The following FHIT variants were observed in gnomAD, a reference collection of about 807,000 sequenced individuals.
FHIT encodes the protein fragile histidine triad diadenosine triphosphatase.
FHIT carries 19 observed loss-of-function variants against 17.9 expected under a neutral mutation model. The ratio of observed to expected loss-of-function variants is 1.06; its 90% CI spans 0.74 to 1.56. The LOEUF (loss-of-function observed/expected upper bound fraction) is 1.56, where lower values mean the gene tolerates loss of function less well. Among genes scored for constraint, FHIT ranks in the 40% most tolerant of loss-of-function variants. The pLI, the probability that FHIT is intolerant of heterozygous loss-of-function variation, is 0.00. For missense variants in FHIT, 248 were observed against 189.2 expected (o/e 1.31, Z -1.82); for synonymous variants, 81 against 69.7 (o/e 1.16, Z -0.81).
At chr3:60,520,616 A>G (rs17063425) in intron 5 of FHIT, among the ~76,000 whole-genome samples, 9,487 of 152,070 alleles carry the variant, frequency 0.062, 611 homozygotes, top group East Asian at 0.29. Context: ...GGTAGTCTCA[A>G]TGACCCCAGG....
chr3:59,960,802 C>T (rs57347814), intron 7 of FHIT, among the ~76,000 whole-genome samples: 7,245 of 152,138 alleles, frequency 0.048, 235 homozygotes, highest in Admixed American at 0.097. Context: ...AAGTATTTTG[C>T]ATATCTGTTT....
chr3:60,058,028 G>C (rs931274648), intron 5 of FHIT, among the ~76,000 whole-genome samples: 7 of 151,122 alleles, frequency 4.6e-5, no homozygotes, highest in Non-Finnish European at 1.0e-4. Flanking sequence ...GAATAGGCAA[G>C]CTTACAGAGA....
At chr3:61,210,339 A>G (rs146452904) in intron 1 of FHIT, among the ~76,000 whole-genome samples, 16,193 of 152,210 alleles carry the variant, frequency 0.11, 1,054 homozygotes, top group South Asian at 0.21. Flanking sequence ...AAGCTGTCAG[A>G]CAGGGACATT....
At chr3:60,397,310 G>A (rs1015348464) in intron 5 of FHIT, among the ~76,000 whole-genome samples, 1 of 152,128 alleles carries the variant, frequency 6.6e-6, no homozygotes, top group Non-Finnish European at 1.5e-5. Context: ...AGCAGGGTAG[G>A]AAGGAAGAAC....
Position 60,708,451 on chromosome 3 carries a change from C to T in FHIT, c.-18+113468G>A, listed in dbSNP as rs188619879. Among the ~76,000 whole-genome samples, 3 of 152,312 alleles carry T rather than the reference C, an allele frequency of 2.0e-5. No individual in the cohort carries two copies. The East Asian group carries it at 5.8e-4, about 29-fold the overall frequency. On this transcript the variant is annotated intron_variant, in intron 4 of 9. Coordinates refer to ENST00000492590, the MANE Select transcript of FHIT (RefSeq NM_002012.4). ...CCCAAGTTCATTGATATGTGACACC[C>T]ATGACATATTTTTACCATCATTGGT...
intron 3 of FHIT, among the ~76,000 whole-genome samples, chr3:60,941,091 T>C (rs1708390527): frequency 6.6e-6 from 1 of 152,196 alleles, no homozygotes; most frequent in Admixed American, 6.5e-5. Context: ...ACAAATATAA[T>C]GGAGATATTT....
chr3:60,316,596 C>T (rs1709177239), intron 5 of FHIT, among the ~76,000 whole-genome samples: 2 of 152,108 alleles, frequency 1.3e-5, no homozygotes. Flanking sequence ...GAGCTAAATG[C>T]ATTACAGCCA....
intron 9 of FHIT, chr3:59,751,703 A>C (rs1700913024): frequency 4.5e-6 from 1 of 224,578 alleles, no homozygotes; most frequent in Non-Finnish European, 8.6e-6. Context: ...GGAGCCGAAC[A>C]TAAAGGGAAA....
chr3:61,210,206 G>A (rs1394382512), intron 1 of FHIT, among the ~76,000 whole-genome samples: 1 of 152,338 alleles, frequency 6.6e-6, no homozygotes, highest in East Asian at 1.9e-4. Flanking sequence ...TGAGGTGTTA[G>A]AACGCCCCTA....
At chr3:60,460,301 A>T (rs892597310) in intron 5 of FHIT, among the ~76,000 whole-genome samples, 1 of 152,170 alleles carries the variant, frequency 6.6e-6, no homozygotes, top group African/African-American at 2.4e-5. Flanking sequence ...TGCCAGAATG[A>T]GAGGTTTATA....
intron 3 of FHIT, among the ~76,000 whole-genome samples, chr3:60,968,249 G>A (rs555407423): frequency 1.2e-4 from 19 of 152,256 alleles, no homozygotes; most frequent in Admixed American, 4.6e-4. Context: ...ATGCATAAAC[G>A]TCACCTTGTG....
intron 3 of FHIT, among the ~76,000 whole-genome samples, chr3:61,024,612 CT>C (rs1161753140): frequency 6.6e-6 from 1 of 152,102 alleles, no homozygotes; most frequent in East Asian, 1.9e-4. Context: ...TGTCAAGAAG[CT>C]GGTTATGACT....
intron 2 of FHIT, among the ~76,000 whole-genome samples, chr3:61,190,146 C>T (rs1042979863): frequency 6.6e-6 from 1 of 152,132 alleles, no homozygotes; most frequent in Non-Finnish European, 1.5e-5. Flanking sequence ...AGTGAACAGG[C>T]AACCTACAGA....
At chr3:60,764,447 A>G (rs1282449738) in intron 4 of FHIT, among the ~76,000 whole-genome samples, 1 of 151,788 alleles carries the variant, frequency 6.6e-6, no homozygotes, top group Non-Finnish European at 1.5e-5. Flanking sequence ...AACTGCATTA[A>G]CAATGGAACA....
rs189048297 is a variant in FHIT at position 60,363,350 on chromosome 3, C to T, written c.103+173510G>A. ...ATCTTTGTGAATCTCTGTAGCAACA[C>T]GGAAAACTGCTTAACTTTTCAAAAC... On this transcript the variant is annotated intron_variant, in intron 5 of 9. Transcript: ENST00000492590. 1.5e-4 allele frequency among the ~76,000 whole-genome samples: 23 copies of T among 152,248 alleles called. No individual in the cohort carries two copies. The East Asian group carries it at 1.9e-3, about 13-fold the overall frequency.
intron 5 of FHIT, among the ~76,000 whole-genome samples, chr3:60,048,435 C>G (rs1158284811): frequency 6.6e-6 from 1 of 152,174 alleles, no homozygotes; most frequent in Admixed American, 6.5e-5. Flanking sequence ...CTCGGCCTCC[C>G]AGAGTGCTGG....
chr3:60,871,065 G>A (rs1253561349), intron 3 of FHIT, among the ~76,000 whole-genome samples: 4 of 152,086 alleles, frequency 2.6e-5, no homozygotes, highest in Non-Finnish European at 5.9e-5. Context: ...GGAAGAAAAG[G>A]AATCCCATGT....
At chr3:60,360,693 C>T (rs1051872361) in intron 5 of FHIT, among the ~76,000 whole-genome samples, 1 of 152,154 alleles carries the variant, frequency 6.6e-6, no homozygotes, top group Admixed American at 6.5e-5. Context: ...TAAACCTGTT[C>T]TTTAATTCAA....
chr3:60,536,800 T>G (rs1360429927), intron 5 of FHIT, 60 bp downstream of exon 5: 3 of 1,522,938 alleles, frequency 2.0e-6, no homozygotes, highest in Non-Finnish European at 2.6e-6. Context: ...TATATTCATT[T>G]GGCTGGTTAG....
Sources: allele counts gnomAD v4.1 joint callset (sites outside exome capture counted in the v4.1 genomes callset), GRCh38; gene constraint gnomAD v4.1.1; transcripts MANE v1.5; gene names NCBI Gene and HGNC (gene_info 2026-07-23, HGNC 2026-07-21).